RGS10: variants seen among roughly 807,000 people sequenced by gnomAD.
RGS10 encodes the protein regulator of G protein signaling 10.
In RGS10, 11 loss-of-function variants were observed where a neutral mutation model predicts 23.5. That is an observed-to-expected ratio of 0.47 (90% CI 0.29 to 0.77). The LOEUF (loss-of-function observed/expected upper bound fraction) is 0.77. Ranked by LOEUF, RGS10 falls within the 30% of genes least tolerant of loss-of-function variation. The probability of loss-of-function intolerance (pLI) is 0.08; values close to 1 mark genes in which losing one functional copy is unlikely to be tolerated. For synonymous variants in RGS10, 77 were observed against 83.2 expected (o/e 0.92, Z 0.41); for missense variants, 180 against 226.3 (o/e 0.80, Z 1.31).
At chr10:119,510,689 A>C (rs1844066907) in intron 4 of RGS10, among the ~76,000 whole-genome samples, 1 of 152,154 alleles carries the variant, frequency 6.6e-6, no homozygotes, top group Non-Finnish European at 1.5e-5. Context: ...ACCAACAAGG[A>C]CTGAATCAAA....
chr10:119,542,237 G>T (rs866490228), intron 1 of RGS10, among the ~76,000 whole-genome samples: 7 of 152,234 alleles, frequency 4.6e-5, no homozygotes, highest in Non-Finnish European at 8.8e-5. Context: ...GAGCGTCACG[G>T]AGGGAGAAGC....
At chr10:119,537,350 C>T (rs1419959427) in intron 1 of RGS10, among the ~76,000 whole-genome samples, 1 of 142,958 alleles carries the variant, frequency 7.0e-6, no homozygotes, top group Non-Finnish European at 1.5e-5. Context: ...CCATTGCACT[C>T]CAGCGTGGGC....
At chr10:119,503,339 CAAAAAAAA>C (rs550253387) in intron 4 of RGS10, among the ~76,000 whole-genome samples, 2 of 103,532 alleles carry the variant, frequency 1.9e-5, no homozygotes, top group Non-Finnish European at 4.1e-5. Flanking sequence ...GACCCTGTCT[CAAAAAAAA>C]AAAAAAAAGA....
intron 4 of RGS10, 102 bp from the exon 5 acceptor site, chr10:119,500,361 T>A: frequency 9.5e-7 from 1 of 1,048,178 alleles, no homozygotes; most frequent in Non-Finnish European, 1.4e-6. Context: ...CAAAGAATAC[T>A]AACATGTGCA....
intron 4 of RGS10, among the ~76,000 whole-genome samples, chr10:119,510,909 G>T (rs565523985): frequency 3.3e-5 from 5 of 151,460 alleles, no homozygotes; most frequent in African/African-American, 1.2e-4. Context: ...TAGTAGAGAC[G>T]GAGTTTCACC....
chr10:119,514,908 C>T (rs146433931), intron 4 of RGS10, among the ~76,000 whole-genome samples: 4 of 152,264 alleles, frequency 2.6e-5, no homozygotes, highest in Non-Finnish European at 5.9e-5. Flanking sequence ...CAAATCAATG[C>T]CCATGCGTCC....
rs567213401 is a variant in RGS10, at chr10:119,518,260, T to C, written c.256-2608A>G. ...GCCACAGCCTGGACCAGAGAGCCCC[T>C]TTCTCCCTGGGGAGACCTGAAGTGT... On this transcript the variant is annotated intron_variant, in intron 3 of 4. Coordinates refer to ENST00000369103, the MANE Select transcript of RGS10 (RefSeq NM_001005339.2). Among the ~76,000 whole-genome samples, 38 of 152,296 alleles carry C rather than the reference T, an allele frequency of 2.5e-4. No individual in the cohort carries two copies. In the South Asian group the frequency reaches 4.8e-3, roughly 19 times the overall value.
chr10:119,525,643 A>T (rs1844265641), intron 3 of RGS10, among the ~76,000 whole-genome samples: 1 of 152,200 alleles, frequency 6.6e-6, no homozygotes, highest in Non-Finnish European at 1.5e-5. Flanking sequence ...TGAATAATTG[A>T]CAATCCCTCT....
intron 3 of RGS10, among the ~76,000 whole-genome samples, chr10:119,525,741 C>A (rs1227451929): frequency 6.6e-6 from 1 of 152,156 alleles, no homozygotes; most frequent in Non-Finnish European, 1.5e-5. Flanking sequence ...GGGAAAACAT[C>A]CTCATAACTT....
chr10:119,518,450 C>G (rs902821288), intron 3 of RGS10, among the ~76,000 whole-genome samples: 2 of 152,234 alleles, frequency 1.3e-5, no homozygotes, highest in African/African-American at 4.8e-5. Context: ...TGTGACAATG[C>G]TCAGCCAGAC....
At chr10:119,521,610 AAAGGAAGGAAGGAAAGAAAGGAAGG>A (rs1157365579) in intron 3 of RGS10, among the ~76,000 whole-genome samples, 2,896 of 102,154 alleles carry the variant, frequency 0.028, 52 homozygotes, top group African/African-American at 0.046. Flanking sequence ...GGAAAGAAAG[AAAGGAAGGAAGGAAAGAAAGGAAGG>A]AAGGAAGGAA....
At chr10:119,540,169 T>C (rs1159551160) in intron 1 of RGS10, among the ~76,000 whole-genome samples, 1 of 152,306 alleles carries the variant, frequency 6.6e-6, no homozygotes, top group African/African-American at 2.4e-5. Flanking sequence ...ATCAGGCTAT[T>C]GGAGTGGAGG....
At position 119,500,037 on chromosome 10, in the gene RGS10, C is replaced by T. The variant is rs2133942363; in HGVS notation, c.*76G>A. ...ATTTCAGTCCTTACAAATAACAAAGCAATGATAAACCCGGCACGGTCCTGA... is the reference window on the plus strand; with the variant it reads ...ATTTCAGTCCTTACAAATAACAAAGTAATGATAAACCCGGCACGGTCCTGA... On this transcript the variant is annotated 3_prime_UTR_variant, in exon 5 of 5. Coordinates refer to ENST00000369103, the MANE Select transcript of RGS10 (RefSeq NM_001005339.2). 1 of 1,468,752 alleles carries T rather than the reference C, an allele frequency of 6.8e-7. No homozygotes were observed. The highest frequency in any genetic ancestry group is 9.3e-7 in the Non-Finnish European group (1 of 1,080,704). 91.0% of individuals were successfully genotyped at this position (1,468,752 alleles called of 1,614,324 possible). A position where few individuals can be genotyped will look rare whatever the true frequency, so the allele number is the denominator to read the frequency against.
intron 1 of RGS10, among the ~76,000 whole-genome samples, chr10:119,541,638 G>C (rs2133963603): frequency 6.6e-6 from 1 of 152,262 alleles, no homozygotes; most frequent in East Asian, 1.9e-4. Context: ...GGGACTCTGA[G>C]CGCCAAGCAG....
At chr10:119,534,305 A>C (rs1470088490) in intron 1 of RGS10, among the ~76,000 whole-genome samples, 3 of 43,582 alleles carry the variant, frequency 6.9e-5, no homozygotes, top group Non-Finnish European at 2.1e-4. Flanking sequence ...ATAAATAAAT[A>C]AAAAAGGCCA....
At chr10:119,526,819 G>T (rs1339602901) in intron 2 of RGS10, among the ~76,000 whole-genome samples, 1 of 151,808 alleles carries the variant, frequency 6.6e-6, no homozygotes, top group Non-Finnish European at 1.5e-5. Flanking sequence ...GGCACCGGGG[G>T]CTTCTGCTGG....
In RGS10 at chr10:119,536,574, C is replaced by G. The variant is rs757203833; in HGVS notation, c.49+6016G>C. On this transcript the variant is annotated intron_variant, in intron 1 of 4. Coordinates refer to ENST00000369103, the MANE Select transcript of RGS10 (RefSeq NM_001005339.2). The stretch of plus-strand genomic sequence containing the variant: ...AGAGACTGGAGGGCTCCCGAGCACC[C>G]TTGGGTCCGAAGAAAAAACAAGCCT... The G allele has an allele frequency of 4.7e-6, 7 of 1,483,816 alleles. No homozygotes were observed. The Admixed American group carries it at 1.5e-4, about 33-fold the overall frequency. 91.9% of individuals were successfully genotyped at this position (1,483,816 alleles called of 1,614,324 possible). A position where few individuals can be genotyped will look rare whatever the true frequency, so the allele number is the denominator to read the frequency against.
chr10:119,536,564 C>T, intron 1 of RGS10: 7 of 1,547,026 alleles, frequency 4.5e-6, no homozygotes, highest in Non-Finnish European at 6.1e-6. Context: ...CTGGAGGGCT[C>T]CCGAGCACCC....
chr10:119,529,493 C>T (rs952664383), intron 1 of RGS10, among the ~76,000 whole-genome samples: 1 of 152,042 alleles, frequency 6.6e-6, no homozygotes, highest in African/African-American at 2.4e-5. Context: ...AACCCAGTTT[C>T]CCCAATTCAA....
Sources: gnomAD v4.1 joint callset for allele counts (sites outside exome capture counted in the v4.1 genomes callset) on GRCh38, gnomAD v4.1.1 for gene constraint, MANE v1.5 for transcripts, NCBI Gene and HGNC (gene_info 2026-07-23, HGNC 2026-07-21) for gene names.